The following PTPRS variants were observed in gnomAD, a reference collection of about 807,000 sequenced individuals.
PTPRS encodes receptor-type tyrosine-protein phosphatase S.
A neutral mutation model predicts 215.3 loss-of-function variants in PTPRS; 63 were observed. The ratio of observed to expected loss-of-function variants is 0.29; its 90% CI spans 0.24 to 0.36. The LOEUF is 0.36. Ranked by LOEUF, PTPRS falls within the 10% of genes least tolerant of loss-of-function variation. PTPRS has a pLI of 1.00. For missense variants in PTPRS, 2,258 were observed against 2,825.8 expected (o/e 0.80, Z 4.56); for synonymous variants, 1,404 against 1,191.4 (o/e 1.18, Z -3.68).
At chr19:5,278,706 C>T (rs1037174713) in intron 2 of PTPRS, among the ~76,000 whole-genome samples, 4 of 152,024 alleles carry the variant, frequency 2.6e-5, no homozygotes, top group South Asian at 2.1e-4. Flanking sequence ...AACTCTTGGC[C>T]TCAGGTGATC....
At chr19:5,321,340 C>T (rs755935225) in intron 1 of PTPRS, among the ~76,000 whole-genome samples, 1 of 152,148 alleles carries the variant, frequency 6.6e-6, no homozygotes, top group African/African-American at 2.4e-5. Context: ...CGGAGCATTC[C>T]GACCTGGGGA....
At chr19:5,215,449 G>T in intron 27 of PTPRS, 37 bp from the exon 28 acceptor site, 1 of 1,610,608 alleles carries the variant, frequency 6.2e-7, no homozygotes, top group Non-Finnish European at 8.5e-7. Context: ...GTCAGGGTAG[G>T]TGCCTGTGAG....
chr19:5,218,941 C>T lies in PTPRS; in HGVS notation c.3924-143G>A, dbSNP rs1023173950. 18 of 892,228 alleles carry T rather than the reference C, an allele frequency of 2.0e-5. No homozygotes were observed. The Admixed American group carries it at 3.7e-4, about 18-fold the overall frequency. The allele number at this position is 892,228 out of a possible 1,614,324, so 55.3% of individuals were successfully genotyped here. ...TTGGTCTCCTCTGGAAAATGGTGCT[C>T]ATATTTCCTGTTTGTCCCCCTGCCT... is the stretch of plus-strand genomic sequence containing the variant. On this transcript the variant is annotated intron_variant, in intron 23 of 37. Transcript: ENST00000262963.
rs1237963337 is a variant in PTPRS at position 5,229,597 on chromosome 19, C to T, written c.2243G>A (p.Arg748Gln). ...GTAGCCGCGGATCTGGCCGTGCTGC[C>T]GGCCGGGCGCGGGCGAGCGCCACAG... ...RVLWRSPAPG[R>Q]QHGQIRGYQV... The change falls in exon 15 of 38, where the codon CGG becomes CAG. Residue 748 changes from arginine (R) to glutamine (Q), a missense_variant. Physicochemically the swap from Arg to Gln is conservative, Grantham distance 43. Coordinates refer to ENST00000262963, the MANE Select transcript of PTPRS (RefSeq NM_002850.4). 3 of 1,428,150 alleles carry T rather than the reference C, an allele frequency of 2.1e-6. No individual in the cohort carries two copies. The highest frequency in any genetic ancestry group is 3.1e-5 in the East Asian group (1 of 32,138). The allele number at this position is 1,428,150 out of a possible 1,614,324, so 88.5% of individuals were successfully genotyped here.
intron 23 of PTPRS, 126 bp downstream of exon 23, chr19:5,219,184 T>C (rs1307723949): frequency 3.0e-6 from 4 of 1,326,688 alleles, no homozygotes; most frequent in South Asian, 1.4e-5. Context: ...TTAACCTCTC[T>C]GAACTTCGGT....
At chr19:5,278,117 C>A in intron 2 of PTPRS, 2 of 594,492 alleles carry the variant, frequency 3.4e-6, no homozygotes, top group South Asian at 1.9e-5. Context: ...TGCCAGGCTG[C>A]GCAGTGAAGA....
intron 13 of PTPRS, among the ~76,000 whole-genome samples, chr19:5,232,614 A>C (rs1188486253): frequency 6.6e-6 from 1 of 151,166 alleles, no homozygotes; most frequent in Admixed American, 6.6e-5. Flanking sequence ...TGGCAACAGA[A>C]GCTCCATTCA....
intron 14 of PTPRS, among the ~76,000 whole-genome samples, chr19:5,230,024 C>T (rs1273027900): frequency 6.6e-6 from 1 of 152,118 alleles, no homozygotes; most frequent in Non-Finnish European, 1.5e-5. Context: ...TCTCATTTTA[C>T]ATTTGGGGAA....
At chr19:5,243,611 C>T (rs1403921125) in intron 11 of PTPRS, among the ~76,000 whole-genome samples, 2 of 152,016 alleles carry the variant, frequency 1.3e-5, no homozygotes, top group East Asian at 3.9e-4. Flanking sequence ...TCCCGAGTAG[C>T]TAGGATTACA....
At chr19:5,281,999 G>A (rs532056043) in intron 2 of PTPRS, among the ~76,000 whole-genome samples, 45 of 152,240 alleles carry the variant, frequency 3.0e-4, no homozygotes, top group African/African-American at 6.5e-4. Flanking sequence ...CTGCAGGCCC[G>A]GTCAGGAGTC....
intron 1 of PTPRS, among the ~76,000 whole-genome samples, chr19:5,301,487 T>C (rs1222574337): frequency 3.9e-5 from 6 of 151,990 alleles, no homozygotes; most frequent in Admixed American, 3.9e-4. Flanking sequence ...GGCTATTTTT[T>C]GTATTTTTAG....
chr19:5,246,155 G>C, intron 9 of PTPRS, 110 bp from the exon 10 acceptor site: 1 of 532,584 alleles, frequency 1.9e-6, no homozygotes, highest in Non-Finnish European at 2.9e-6. Context: ...CAGGAAGGAA[G>C]AAAGAAAGAA....
rs748005458 is a variant in PTPRS, at chr19:5,211,630, C to T, written c.5194G>A (p.Gly1732Ser). 1 of 1,613,626 alleles carries T rather than the reference C, an allele frequency of 6.2e-7. No individual in the cohort carries two copies. The highest frequency in any genetic ancestry group is 1.3e-5 in the African/African-American group (1 of 74,902). Residue 1732 changes from glycine to serine, a missense_variant, in exon 33 of 38, where the codon GGC becomes AGC. Gly to Ser is a moderately conservative substitution (Grantham distance 56). Around this residue, in one of 6 missense-constraint regions of PTPRS, gnomAD observed 927 missense variants for 1,125.9 expected, o/e 0.82. Coordinates refer to ENST00000262963, the MANE Select transcript of PTPRS (RefSeq NM_002850.4). ...VCLQPIRGVE[G>S]SDYINASFID... Reference sequence around the variant, plus strand: ...AAGCTGGCGTTGATGTAGTCAGAGCCCTCCACACCCCGGATGGGTTGCAGA... The same window carrying T: ...AAGCTGGCGTTGATGTAGTCAGAGCTCTCCACACCCCGGATGGGTTGCAGA...
intron 1 of PTPRS, among the ~76,000 whole-genome samples, chr19:5,289,886 G>A (rs2146953621): frequency 6.6e-6 from 1 of 152,310 alleles, no homozygotes; most frequent in African/African-American, 2.4e-5. Flanking sequence ...ACGTGGCCCT[G>A]GGCAGGGAGG....
At chr19:5,280,806 T>G (rs2146763049) in intron 2 of PTPRS, among the ~76,000 whole-genome samples, 1 of 152,114 alleles carries the variant, frequency 6.6e-6, no homozygotes, top group Middle Eastern at 3.4e-3. Flanking sequence ...TTTGTTTGTT[T>G]TTTGAGATGG....
chr19:5,230,955 C>T (rs894144521), intron 14 of PTPRS, among the ~76,000 whole-genome samples: 1 of 152,196 alleles, frequency 6.6e-6, no homozygotes, highest in Non-Finnish European at 1.5e-5. Flanking sequence ...TCCATCCACC[C>T]GGGGAGCTGG....
At chr19:5,247,258 A>T (rs1389455453) in intron 9 of PTPRS, among the ~76,000 whole-genome samples, 1 of 151,856 alleles carries the variant, frequency 6.6e-6, no homozygotes, top group Non-Finnish European at 1.5e-5. Flanking sequence ...GAACGTTGAG[A>T]GAACAGGGAC....
chr19:5,328,792 G>A (rs908056866), intron 1 of PTPRS, among the ~76,000 whole-genome samples: 3 of 152,084 alleles, frequency 2.0e-5, no homozygotes, highest in Admixed American at 6.5e-5. Context: ...CCATGGTGGT[G>A]CGTGCCAGTA....
At chr19:5,291,130 CGACG>C in intron 1 of PTPRS, among the ~76,000 whole-genome samples, 1 of 152,062 alleles carries the variant, frequency 6.6e-6, no homozygotes, top group South Asian at 2.1e-4. Flanking sequence ...TGTATTGGGA[CGACG>C]TGAAGGCTCA....
Sources: allele counts gnomAD v4.1 joint callset (sites outside exome capture counted in the v4.1 genomes callset), GRCh38; gene constraint gnomAD v4.1.1; regional missense constraint gnomAD v4.1.1; transcripts MANE v1.5; gene names NCBI Gene and HGNC (gene_info 2026-07-23, HGNC 2026-07-21).